Variants in UCHL3 observed in about 807,000 individuals in gnomAD.
The protein encoded by UCHL3 is ubiquitin C-terminal hydrolase L3.
A neutral mutation model predicts 35.8 loss-of-function variants in UCHL3; 22 were observed. That is an observed-to-expected ratio of 0.61 (90% CI 0.44 to 0.88). The LOEUF (loss-of-function observed/expected upper bound fraction) is 0.88. Among genes scored for constraint, UCHL3 ranks in the 40% least tolerant of loss-of-function variants. The probability of loss-of-function intolerance (pLI) is 0.00; values close to 1 mark genes in which losing one functional copy is unlikely to be tolerated. For synonymous variants in UCHL3, 90 were observed against 92.8 expected (o/e 0.97, Z 0.17); for missense variants, 229 against 276.9 (o/e 0.83, Z 1.23).
chr13:75,560,144 T>C (rs2138468585), intron 2 of UCHL3, among the ~76,000 whole-genome samples: 1 of 152,348 alleles, frequency 6.6e-6, no homozygotes, highest in East Asian at 1.9e-4. Context: ...TTGGCTTATA[T>C]TACTCTTTGC....
intron 2 of UCHL3, 123 bp downstream of exon 2, chr13:75,550,110 T>C (rs1271082087): frequency 2.0e-6 from 3 of 1,480,542 alleles, no homozygotes; most frequent in East Asian, 4.5e-5. Context: ...AGGGCCCCTC[T>C]TGTTCGGCTT....
intron 2 of UCHL3, among the ~76,000 whole-genome samples, chr13:75,553,539 C>T (rs1327826102): frequency 6.6e-6 from 1 of 152,172 alleles, no homozygotes; most frequent in African/African-American, 2.4e-5. Context: ...TTCGAAGAGT[C>T]TCTGTTGCTA....
intron 3 of UCHL3, among the ~76,000 whole-genome samples, chr13:75,564,173 T>C (rs4885313): frequency 0.58 from 86,774 of 150,898 alleles, 26,779 homozygotes; most frequent in Non-Finnish European, 0.69. Context: ...TTTTTTGAGA[T>C]GGAGTCTCGC....
At chr13:75,604,506 T>C (rs2032874773) in intron 7 of UCHL3, 2 of 329,454 alleles carry the variant, frequency 6.1e-6, no homozygotes, top group African/African-American at 2.1e-5. Context: ...TTGCGTATTA[T>C]TTTCAGGAAA....
chr13:75,550,664 G>GTA (rs1392321737), intron 2 of UCHL3, among the ~76,000 whole-genome samples: 2 of 151,738 alleles, frequency 1.3e-5, no homozygotes, highest in Non-Finnish European at 2.9e-5. Context: ...ACTCAGAAGA[G>GTA]TAAGTGCTAC....
chr13:75,568,001 G>A (rs918040546), intron 5 of UCHL3, among the ~76,000 whole-genome samples: 1 of 152,062 alleles, frequency 6.6e-6, no homozygotes. Flanking sequence ...AAGGTTTAAA[G>A]GTAGACATTA....
chr13:75,605,618 A>G, intron 8 of UCHL3, 111 bp from the exon 9 acceptor site: 1 of 1,038,556 alleles, frequency 9.6e-7, no homozygotes. Flanking sequence ...CATTTGGAAA[A>G]GGAAGTTTGC....
At chr13:75,552,212 A>G (rs1390427193) in intron 2 of UCHL3, among the ~76,000 whole-genome samples, 1 of 152,222 alleles carries the variant, frequency 6.6e-6, no homozygotes, top group African/African-American at 2.4e-5. Flanking sequence ...GTTATAACTA[A>G]AAATTTTGTG....
intron 6 of UCHL3, among the ~76,000 whole-genome samples, chr13:75,571,578 T>G (rs916209668): frequency 6.6e-6 from 1 of 152,262 alleles, no homozygotes; most frequent in African/African-American, 2.4e-5. Flanking sequence ...CTGCTTTTTA[T>G]GCAGATTCTC....
intron 2 of UCHL3, among the ~76,000 whole-genome samples, chr13:75,553,450 G>A (rs1205976369): frequency 6.6e-6 from 1 of 152,150 alleles, no homozygotes; most frequent in East Asian, 1.9e-4. Flanking sequence ...TGGTAGAATA[G>A]CTCACTCCAT....
intron 6 of UCHL3, among the ~76,000 whole-genome samples, chr13:75,587,924 C>G (rs2032371242): frequency 6.6e-6 from 1 of 152,108 alleles, no homozygotes; most frequent in African/African-American, 2.4e-5. Context: ...GTAACACAGC[C>G]TATTCTTTTG....
chr13:75,574,786 T>C (rs553130992), intron 6 of UCHL3, among the ~76,000 whole-genome samples: 1 of 152,214 alleles, frequency 6.6e-6, no homozygotes, highest in African/African-American at 2.4e-5. Flanking sequence ...ATTTTATAGA[T>C]GGAGAACCAC....
At chr13:75,571,780 A>G (rs1430088477) in intron 6 of UCHL3, among the ~76,000 whole-genome samples, 4 of 152,214 alleles carry the variant, frequency 2.6e-5, no homozygotes, top group African/African-American at 9.7e-5. Context: ...GTGTACTCCC[A>G]TAAGAATTAA....
At chr13:75,585,097 A>G (rs2032286293) in intron 6 of UCHL3, among the ~76,000 whole-genome samples, 2 of 152,118 alleles carry the variant, frequency 1.3e-5, no homozygotes, top group South Asian at 2.1e-4. Flanking sequence ...TGAGACAAAA[A>G]GTATTTGAAG....
intron 7 of UCHL3, among the ~76,000 whole-genome samples, chr13:75,598,040 A>G (rs1056737379): frequency 1.3e-5 from 2 of 152,230 alleles, no homozygotes; most frequent in Admixed American, 6.5e-5. Context: ...TGGGATTTAG[A>G]GGTGGATTTG....
At chr13:75,555,682 T>C (rs1262692814) in intron 2 of UCHL3, among the ~76,000 whole-genome samples, 1 of 152,174 alleles carries the variant, frequency 6.6e-6, no homozygotes, top group Non-Finnish European at 1.5e-5. Context: ...TTCCCGTAAC[T>C]TTCTCCAGTT....
chr13:75,563,274 C>T lies in UCHL3; in HGVS notation c.183+2393C>T, dbSNP rs1404985209. On this transcript the variant is annotated intron_variant, in intron 3 of 8. Transcript: ENST00000377595. ...CATTGCAACCCATGCCTCCCAGGTA[C>T]AAGTGATTCTTCTGCCTCAGTCTCT... 3.9e-5 allele frequency among the ~76,000 whole-genome samples: 6 copies of T among 152,292 alleles called. No individual in the cohort carries two copies. In the South Asian group the frequency reaches 1.2e-3, roughly 32 times the overall value.
At position 75,566,725 on chromosome 13, in the gene UCHL3, A is replaced by G. The variant is rs2031695546; in HGVS notation, c.214A>G (p.Lys72Glu). The change falls in exon 4 of 9, where the codon AAA becomes GAA. Residue 72 changes from lysine (K) to glutamate (E), a missense_variant. Lys to Glu is a moderately conservative substitution (Grantham distance 56). Coordinates refer to ENST00000377595, the MANE Select transcript of UCHL3 (RefSeq NM_006002.5). ...YEVFRTEEEE[K>E]IKSQGQDVTS... The stretch of plus-strand genomic sequence containing the variant: ...AGTATTCAGAACAGAAGAGGAAGAA[A>G]AAATAAAATCTCAGGGACAAGATGT... 6.2e-7 allele frequency: 1 copy of G among 1,600,078 alleles called. No individual in the cohort carries two copies. Among genetic ancestry groups the G allele is most frequent in the Admixed American group, 1.7e-5 (1 of 57,702 alleles).
chr13:75,580,278 TA>T, intron 6 of UCHL3, among the ~76,000 whole-genome samples: 1 of 152,324 alleles, frequency 6.6e-6, no homozygotes, highest in South Asian at 2.1e-4. Flanking sequence ...ATTTCCTTTT[TA>T]AAATTTGAAC....
Sources: allele counts gnomAD v4.1 joint callset (sites outside exome capture counted in the v4.1 genomes callset), GRCh38; gene constraint gnomAD v4.1.1; transcripts MANE v1.5; gene names NCBI Gene and HGNC (gene_info 2026-07-23, HGNC 2026-07-21).